NRXN3: variants seen among roughly 807,000 people sequenced by gnomAD.
NRXN3 encodes the protein neurexin 3, also known as neurexin III.
NRXN3 carries 32 observed loss-of-function variants against 137.6 expected under a neutral mutation model. That is an observed-to-expected ratio of 0.23 (90% confidence interval 0.18 to 0.31). The LOEUF (loss-of-function observed/expected upper bound fraction) is 0.31. Ranked by LOEUF, NRXN3 falls within the 10% of genes least tolerant of loss-of-function variation. The probability of loss-of-function intolerance (pLI) is 1.00; values close to 1 mark genes in which losing one functional copy is unlikely to be tolerated. For synonymous variants in NRXN3, 798 were observed against 784.5 expected (o/e 1.02, Z -0.29); for missense variants, 1,574 against 2,062.5 (o/e 0.76, Z 4.59).
intron 11 of NRXN3, among the ~76,000 whole-genome samples, chr14:78,959,581 CA>C (rs2099404089): frequency 6.6e-6 from 1 of 152,080 alleles, no homozygotes; most frequent in South Asian, 2.1e-4. Context: ...ACAGAACCAC[CA>C]CAACAATTAC....
chr14:79,719,266 T>C (rs2154060364), intron 19 of NRXN3, among the ~76,000 whole-genome samples: 1 of 134,780 alleles, frequency 7.4e-6, no homozygotes. Flanking sequence ...TGTGTGTGTG[T>C]GTGTGTGTGT....
At chr14:78,659,227 T>C (rs1441980498) in intron 6 of NRXN3, among the ~76,000 whole-genome samples, 1 of 152,130 alleles carries the variant, frequency 6.6e-6, no homozygotes, top group South Asian at 2.1e-4. Context: ...AACAGAGGCT[T>C]CAGAAGAAAC....
chr14:78,892,178 G>T (rs956793460), intron 10 of NRXN3, among the ~76,000 whole-genome samples: 1 of 151,946 alleles, frequency 6.6e-6, no homozygotes, highest in Non-Finnish European at 1.5e-5. Flanking sequence ...AGGGAACTCT[G>T]ATGCACGTTA....
intron 10 of NRXN3, among the ~76,000 whole-genome samples, chr14:78,815,479 C>CTTTTTTTTTTTTTT (rs61411777): frequency 4.7e-5 from 4 of 84,436 alleles, no homozygotes; most frequent in African/African-American, 8.3e-5. Flanking sequence ...TTGTTTCTTT[C>CTTTTTTTTTTTTTT]TTTTTTTTTT....
At chr14:78,943,623 T>A (rs2653533) in intron 10 of NRXN3, among the ~76,000 whole-genome samples, 4,857 of 13,324 alleles carry the variant, frequency 0.36, 299 homozygotes, top group East Asian at 0.46. Flanking sequence ...AAAAAAAAAA[T>A]ATATATATAT....
intron 4 of NRXN3, among the ~76,000 whole-genome samples, chr14:78,414,102 G>A (rs1305427013): frequency 6.6e-6 from 1 of 152,150 alleles, no homozygotes; most frequent in Admixed American, 6.5e-5. Context: ...GTGGAACTGT[G>A]AATCCATTAA....
At chr14:78,752,025 G>A (rs905616596) in intron 8 of NRXN3, among the ~76,000 whole-genome samples, 3 of 152,168 alleles carry the variant, frequency 2.0e-5, no homozygotes, top group East Asian at 1.9e-4. Flanking sequence ...AGCAGAAACC[G>A]AAGTCACCAA....
At chr14:79,388,476 C>A (rs1411141458) in intron 15 of NRXN3, among the ~76,000 whole-genome samples, 2 of 152,064 alleles carry the variant, frequency 1.3e-5, no homozygotes, top group South Asian at 2.1e-4. Flanking sequence ...CCTTATGGGA[C>A]TCCTTCTGAG....
At position 79,134,872 on chromosome 14, in the gene NRXN3, T is replaced by C. The variant is rs1411222714; in HGVS notation, c.3262+146731T>C. Among the ~76,000 whole-genome samples, 3 of 152,226 alleles carry C rather than the reference T, an allele frequency of 2.0e-5. No homozygotes were observed. In the East Asian group the frequency reaches 5.8e-4, roughly 29 times the overall value. On this transcript the variant is annotated intron_variant, in intron 15 of 20. Transcript: ENST00000335750. ...ATTGTAGCTTCTCTTTGGCTGTTGA[T>C]ATAATATCAAATATTTTGTATGTAT...
chr14:78,364,599 A>G (rs1201491208), intron 4 of NRXN3, among the ~76,000 whole-genome samples: 2 of 152,198 alleles, frequency 1.3e-5, no homozygotes, highest in African/African-American at 4.8e-5. Context: ...TGTCATACGT[A>G]TCCTGAAAGG....
At chr14:79,196,989 G>T (rs2153195925) in intron 15 of NRXN3, among the ~76,000 whole-genome samples, 1 of 152,280 alleles carries the variant, frequency 6.6e-6, no homozygotes, top group Middle Eastern at 3.4e-3. Flanking sequence ...CTGGGGGTCA[G>T]TTGAGGTTCA....
chr14:78,489,629 T>C (rs1179259855), intron 4 of NRXN3, among the ~76,000 whole-genome samples: 1 of 152,172 alleles, frequency 6.6e-6, no homozygotes, highest in Non-Finnish European at 1.5e-5. Context: ...AGAAACTTCA[T>C]CTTTTCTCAG....
intron 17 of NRXN3, among the ~76,000 whole-genome samples, chr14:79,666,661 C>T (rs1312363571): frequency 1.3e-5 from 2 of 152,004 alleles, no homozygotes; most frequent in Non-Finnish European, 2.9e-5. Flanking sequence ...CTGAAAAATG[C>T]ATAGCTAGAA....
chr14:78,278,276 G>C (rs1215577817), intron 2 of NRXN3, among the ~76,000 whole-genome samples: 4 of 152,110 alleles, frequency 2.6e-5, no homozygotes, highest in Admixed American at 2.6e-4. Flanking sequence ...AGGAGGATTT[G>C]CTTTGGTGTC....
intron 10 of NRXN3, among the ~76,000 whole-genome samples, chr14:78,882,788 G>A (rs1029583451): frequency 6.6e-6 from 1 of 151,588 alleles, no homozygotes; most frequent in Non-Finnish European, 1.5e-5. Flanking sequence ...GCGTGATCAT[G>A]TTTTGAATTG....
At chr14:78,442,432 C>T (rs183809208) in intron 4 of NRXN3, among the ~76,000 whole-genome samples, 176 of 152,316 alleles carry the variant, frequency 1.2e-3, no homozygotes, top group African/African-American at 3.8e-3. Context: ...GAAGGATTAT[C>T]CCCAAGAGCC....
At chr14:78,788,179 C>T (rs1218349518) in intron 8 of NRXN3, among the ~76,000 whole-genome samples, 2 of 152,160 alleles carry the variant, frequency 1.3e-5, no homozygotes, top group East Asian at 1.9e-4. Flanking sequence ...CTACCTGCAA[C>T]ATGGAAGTAT....
At chr14:78,884,530 T>G (rs1489134747) in intron 10 of NRXN3, among the ~76,000 whole-genome samples, 1 of 152,168 alleles carries the variant, frequency 6.6e-6, no homozygotes, top group Non-Finnish European at 1.5e-5. Context: ...TGTTTAGGTT[T>G]CTAGATATGA....
At chr14:79,426,979 AT>A (rs1481530274) in intron 15 of NRXN3, among the ~76,000 whole-genome samples, 3 of 152,158 alleles carry the variant, frequency 2.0e-5, no homozygotes, top group African/African-American at 7.2e-5. Context: ...TTAAAGTGAC[AT>A]TGAGCATTTT....
Sources: gnomAD v4.1 joint callset for allele counts (sites outside exome capture counted in the v4.1 genomes callset) on GRCh38, gnomAD v4.1.1 for gene constraint, MANE v1.5 for transcripts, NCBI Gene and HGNC (gene_info 2026-07-23, HGNC 2026-07-21) for gene names.